Variants in SRGAP2B observed in about 807,000 individuals in gnomAD.
SRGAP2B encodes the protein SLIT-ROBO Rho GTPase activating protein 2B.
A neutral mutation model predicts 22.2 loss-of-function variants in SRGAP2B; 9 were observed. The observed-to-expected ratio is 0.41, with a 90% CI of 0.24 to 0.71. The LOEUF (loss-of-function observed/expected upper bound fraction) is 0.71. Ranked by LOEUF, SRGAP2B falls within the 30% of genes least tolerant of loss-of-function variation. The pLI, the probability that SRGAP2B is intolerant of heterozygous loss-of-function variation, is 0.35. For missense variants in SRGAP2B, 114 were observed against 235.8 expected (o/e 0.48, Z 3.38); for synonymous variants, 36 against 87.4 (o/e 0.41, Z 3.28).
Position 144,995,051 on chromosome 1 carries a change from G to A in SRGAP2B, c.217C>T (p.Arg73Cys), listed in dbSNP as rs587725449. ...GTGCTGCATGTCTTGGCCAGGAAGC[G>A]TTCTGCCAGCTTCTCCAGGTTGCGG... The change falls in exon 3 of 10, where the codon CGC (arginine) becomes TGC (cysteine). Residue 73 changes from arginine to cysteine, a missense_variant. By Grantham distance (180) the Arg-to-Cys change is radical. Around this residue, in one of 2 missense-constraint regions of SRGAP2B, gnomAD observed 95 missense variants for 139.0 expected, o/e 0.68. Transcript: ENST00000612199. 1.3e-4 allele frequency: 196 copies of A among 1,544,046 alleles called. 3 individuals are homozygous for A. Among genetic ancestry groups the A allele is most frequent in the South Asian group, 1.1e-3 (96 of 83,606 alleles).
intron 4 of SRGAP2B, among the ~76,000 whole-genome samples, chr1:144,941,105 T>C (rs1433650089): frequency 6.1e-5 from 9 of 146,384 alleles, no homozygotes; most frequent in South Asian, 2.1e-4. Context: ...TTACCCACAA[T>C]ATCTTGAAAA....
intron 4 of SRGAP2B, among the ~76,000 whole-genome samples, chr1:144,943,954 G>T (rs1403731635): frequency 1.3e-5 from 2 of 150,482 alleles, no homozygotes; most frequent in African/African-American, 5.0e-5. Flanking sequence ...AGCCTGCCAA[G>T]TTAGAGGGGC....
intron 3 of SRGAP2B, among the ~76,000 whole-genome samples, chr1:144,970,272 A>T (rs1668403611): frequency 9.1e-6 from 1 of 109,800 alleles, no homozygotes; most frequent in East Asian, 2.5e-4. Context: ...GATAGACTGG[A>T]TTAAGAAAAT....
At chr1:144,995,257 C>T (rs1670596160) in intron 2 of SRGAP2B, 57 bp from the exon 3 acceptor site, 3 of 503,118 alleles carry the variant, frequency 6.0e-6, no homozygotes, top group Non-Finnish European at 9.8e-6. Context: ...AACCACCATG[C>T]ATGCCAATAT....
chr1:145,017,050 C>T (rs587659381), intron 2 of SRGAP2B, among the ~76,000 whole-genome samples: 14 of 138,960 alleles, frequency 1.0e-4, no homozygotes, highest in African/African-American at 4.0e-4. Flanking sequence ...ACCTCCACCT[C>T]CTGGGCTCAA....
At chr1:144,944,683 TTTTATTTATTTATTTA>T (rs57558732) in intron 4 of SRGAP2B, among the ~76,000 whole-genome samples, 16 of 132,308 alleles carry the variant, frequency 1.2e-4, no homozygotes, top group African/African-American at 3.3e-4. Context: ...GAATTGGTTG[TTTTATTTATTTATTTA>T]TTTATTTATT....
chr1:144,960,496 A>G (rs928094), intron 3 of SRGAP2B, among the ~76,000 whole-genome samples: 2 of 150,238 alleles, frequency 1.3e-5, no homozygotes, highest in African/African-American at 5.0e-5. Context: ...TTCTCCCTCA[A>G]CTTGGACTAT....
At chr1:144,938,652 TATC>T (rs1175844270) in intron 4 of SRGAP2B, among the ~76,000 whole-genome samples, 2 of 146,138 alleles carry the variant, frequency 1.4e-5, no homozygotes, top group African/African-American at 5.2e-5. Context: ...TGTTTCATTT[TATC>T]ATCATCTGAT....
At chr1:144,958,897 C>A (rs1320537793) in intron 3 of SRGAP2B, among the ~76,000 whole-genome samples, 17 of 150,106 alleles carry the variant, frequency 1.1e-4, no homozygotes, top group African/African-American at 4.3e-4. Flanking sequence ...GAGCAAGAGA[C>A]CCAGGACCCA....
At position 144,893,933 on chromosome 1, in the gene SRGAP2B, C is replaced by T. The variant is rs1357486059; in HGVS notation, c.1054-424G>A. Among the ~76,000 whole-genome samples, 44 of 135,942 alleles carry T rather than the reference C, an allele frequency of 3.2e-4. 1 individual carries two copies. In the South Asian group the frequency reaches 6.2e-3, roughly 19 times the overall value. The allele number at this position is 135,942 out of a possible 152,430, so 89.2% of individuals were successfully genotyped here. On this transcript the variant is annotated intron_variant, in intron 8 of 9. Coordinates refer to ENST00000612199, the Ensembl canonical transcript of SRGAP2B. ...GGAGAGAAGTGGGTCAGGAGGCTAACTTGCCACTGCTGGCAGCCAGCATGT... is the reference window on the plus strand; with the variant it reads ...GGAGAGAAGTGGGTCAGGAGGCTAATTTGCCACTGCTGGCAGCCAGCATGT...
At chr1:145,069,041 T>C (rs1651849819) in intron 2 of SRGAP2B, among the ~76,000 whole-genome samples, 1 of 145,868 alleles carries the variant, frequency 6.9e-6, no homozygotes, top group Non-Finnish European at 1.5e-5. Context: ...GTAAGTGATG[T>C]ACCACTTCAT....
At chr1:145,061,669 C>A (rs587754116) in intron 2 of SRGAP2B, among the ~76,000 whole-genome samples, 3 of 149,352 alleles carry the variant, frequency 2.0e-5, no homozygotes, top group Non-Finnish European at 3.0e-5. Context: ...CTCACTGCAA[C>A]CTTCGCCTCC....
intron 4 of SRGAP2B, among the ~76,000 whole-genome samples, chr1:144,944,016 A>G (rs1315856611): frequency 6.7e-6 from 1 of 149,940 alleles, no homozygotes; most frequent in Non-Finnish European, 1.5e-5. Context: ...CCATGCCTTA[A>G]GTATACAGTA....
intron 2 of SRGAP2B, among the ~76,000 whole-genome samples, chr1:145,017,492 C>G (rs1304465035): frequency 6.7e-6 from 1 of 149,756 alleles, no homozygotes; most frequent in Non-Finnish European, 1.5e-5. Flanking sequence ...AAAAAAAAAA[C>G]CCGTATCCCA....
At chr1:144,975,868 CTTT>C (rs56268353) in intron 3 of SRGAP2B, among the ~76,000 whole-genome samples, 12 of 27,338 alleles carry the variant, frequency 4.4e-4, no homozygotes, top group African/African-American at 6.4e-4. Flanking sequence ...GTTAGTAATT[CTTT>C]TTTTTTTTTT....
At chr1:144,933,251 C>T (rs1665345464) in intron 4 of SRGAP2B, among the ~76,000 whole-genome samples, 1 of 147,886 alleles carries the variant, frequency 6.8e-6, no homozygotes, top group South Asian at 2.1e-4. Context: ...ACAGATCCAA[C>T]TGTCATGACC....
chr1:144,925,606 TGCCCTCCA>T (rs1664611506), intron 4 of SRGAP2B, among the ~76,000 whole-genome samples: 2 of 130,502 alleles, frequency 1.5e-5, no homozygotes, highest in South Asian at 4.5e-4. Context: ...ATTGCACTAC[TGCCCTCCA>T]GCCTGGGTGA....
chr1:145,036,288 T>C (rs1317768362), intron 2 of SRGAP2B, among the ~76,000 whole-genome samples: 3 of 141,998 alleles, frequency 2.1e-5, no homozygotes, highest in Non-Finnish European at 3.0e-5. Flanking sequence ...CAAGTTGCCA[T>C]GGCAACTAAC....
At chr1:144,888,591 A>G (rs1319668277) in exon 10 of SRGAP2B, 1 of 3,804 alleles carries the variant, frequency 2.6e-4, no homozygotes, top group Admixed American at 2.2e-3. Context: ...GGGTTCTTTA[A>G]AGCCGGCACA....
Sources: gnomAD v4.1 joint callset for allele counts (sites outside exome capture counted in the v4.1 genomes callset) on GRCh38, gnomAD v4.1.1 for gene constraint, gnomAD v4.1.1 regional missense constraint, MANE v1.5 for transcripts, NCBI Gene and HGNC (gene_info 2026-07-23, HGNC 2026-07-21) for gene names.